The following AXIN1 variants were observed in gnomAD, a reference collection of about 807,000 sequenced individuals.
AXIN1 encodes the protein axin-1.
A neutral mutation model predicts 76.4 loss-of-function variants in AXIN1; 30 were observed. The observed-to-expected ratio is 0.39, with a 90% CI of 0.29 to 0.53. The LOEUF (loss-of-function observed/expected upper bound fraction) is 0.53, where lower values mean the gene tolerates loss of function less well. AXIN1 is among the 20% of genes least tolerant of loss of function. The pLI, the probability that AXIN1 is intolerant of heterozygous loss-of-function variation, is 0.66. For missense variants in AXIN1, 1,140 were observed against 1,198.8 expected (o/e 0.95, Z 0.72); for synonymous variants, 545 against 501.4 (o/e 1.09, Z -1.16).
chr16:299,452 AAG>A, intron 5 of AXIN1, among the ~76,000 whole-genome samples: 1 of 151,568 alleles, frequency 6.6e-6, no homozygotes, highest in African/African-American at 2.4e-5. Flanking sequence ...TCCCGGGCTC[AAG>A]CAATCCTCCT....
chr16:337,000 A>G (rs2053818659), intron 2 of AXIN1, among the ~76,000 whole-genome samples: 1 of 151,286 alleles, frequency 6.6e-6, no homozygotes, highest in South Asian at 2.1e-4. Flanking sequence ...ACACAAAAAA[A>G]TTAGCCGGGC....
chr16:300,364 T>A (rs2052837670), intron 5 of AXIN1, among the ~76,000 whole-genome samples: 1 of 148,004 alleles, frequency 6.8e-6, no homozygotes, highest in Non-Finnish European at 1.5e-5. Flanking sequence ...AATTTTTTCT[T>A]TTTCTTTTTT....
At chr16:331,785 G>A (rs913707740) in intron 2 of AXIN1, among the ~76,000 whole-genome samples, 1 of 152,194 alleles carries the variant, frequency 6.6e-6, no homozygotes, top group Non-Finnish European at 1.5e-5. Context: ...GAATTTCCAA[G>A]CAAAGGTGCA....
chr16:321,230 G>A (rs1237582493), intron 2 of AXIN1, among the ~76,000 whole-genome samples: 1 of 151,434 alleles, frequency 6.6e-6, no homozygotes, highest in Non-Finnish European at 1.5e-5. Context: ...ACCCAGGCAG[G>A]AGCCGCCACC....
rs1171668248 is a variant in AXIN1 at position 332,656 on chromosome 16, T to C, written c.878+13492A>G. The stretch of plus-strand genomic sequence containing the variant: ...AAGATTTTGATCTAAACAATGTTGA[T>C]CTAAACCAAAAAAAAAAAAAAAAAG... On this transcript the variant is annotated intron_variant, in intron 2 of 10. Coordinates refer to ENST00000262320, the MANE Select transcript of AXIN1 (RefSeq NM_003502.4). Among the ~76,000 whole-genome samples the C allele has an allele frequency of 2.4e-5, 3 of 123,048 alleles. 1 individual carries two copies. Among genetic ancestry groups the C allele is most frequent in the African/African-American group, 7.0e-5 (2 of 28,622 alleles). The allele number at this position is 123,048 out of a possible 152,430, so 80.7% of individuals were successfully genotyped here. A position where few individuals can be genotyped will look rare whatever the true frequency, so the allele number is the denominator to read the frequency against.
chr16:303,732 G>A lies in AXIN1; in HGVS notation c.1254+572C>T, dbSNP rs368757735. 8.9e-4 allele frequency among the ~76,000 whole-genome samples: 135 copies of A among 152,136 alleles called. 1 individual carries two copies. Among genetic ancestry groups the A allele is most frequent in the South Asian group, 6.4e-3 (31 of 4,814 alleles). On this transcript the variant is annotated intron_variant, in intron 5 of 10. Transcript: ENST00000262320. Reference sequence around the variant, plus strand: ...ATAAACTCTGTCCTTCTCACCCTTCGAATTGTCTGTGAGCCTAATTTTTCG... The same window carrying A: ...ATAAACTCTGTCCTTCTCACCCTTCAAATTGTCTGTGAGCCTAATTTTTCG...
At position 287,476 on chromosome 16, in the gene AXIN1, AGTACC is replaced by A. The variant is rs1174363382; in HGVS notation, c.*641_*645del. 2.6e-6 allele frequency: 1 copy of A among 387,570 alleles called. No individual in the cohort carries two copies. The highest frequency in any genetic ancestry group is 4.6e-5 in the South Asian group (1 of 21,858). The allele number at this position is 387,570 out of a possible 1,614,324, so 24.0% of individuals were successfully genotyped here. ...AACAGTTTTATTTCATTATTATCCA[AGTACC>A]TTTGAAAAGATAATTAATTGTACAA... On this transcript the variant is annotated 3_prime_UTR_variant, in exon 11 of 11. Transcript: ENST00000262320.
At chr16:310,097 A>G (rs1409202965) in intron 3 of AXIN1, 28 bp from the exon 4 acceptor site, 4 of 1,586,168 alleles carry the variant, frequency 2.5e-6, no homozygotes, top group Admixed American at 1.8e-5. Context: ...GCAGCCGTTA[A>G]CTCAGAGAGG....
At chr16:347,524 A>G (rs1279621257) in intron 1 of AXIN1, among the ~76,000 whole-genome samples, 19 of 152,200 alleles carry the variant, frequency 1.2e-4, no homozygotes, top group Admixed American at 1.2e-3. Context: ...GGACCCTCAC[A>G]AGTAAGATGG....
At chr16:351,132 C>CAAAAA (rs71391129) in intron 1 of AXIN1, among the ~76,000 whole-genome samples, 34 of 111,592 alleles carry the variant, frequency 3.0e-4, no homozygotes, top group African/African-American at 1.0e-3. Flanking sequence ...AACTCTGTCT[C>CAAAAA]AAAAAAAAAA....
At chr16:315,832 GAAAA>G (rs922939817) in intron 2 of AXIN1, among the ~76,000 whole-genome samples, 1 of 72,668 alleles carries the variant, frequency 1.4e-5, no homozygotes, top group African/African-American at 4.9e-5. Context: ...TGTCTCAAAA[GAAAA>G]AAAAAAAAAA....
intron 3 of AXIN1, 73 bp downstream of exon 3, chr16:314,470 A>C: frequency 6.2e-7 from 1 of 1,600,042 alleles, no homozygotes; most frequent in Admixed American, 1.7e-5. Flanking sequence ...GCTGTCCTCA[A>C]GGGACAAGGT....
chr16:324,120 G>C (rs569727634), intron 2 of AXIN1, among the ~76,000 whole-genome samples: 1 of 152,168 alleles, frequency 6.6e-6, no homozygotes, highest in Non-Finnish European at 1.5e-5. Flanking sequence ...TGAAATACCC[G>C]GGACCGTCCG....
intron 2 of AXIN1, among the ~76,000 whole-genome samples, chr16:320,743 A>ATATATATATATATATTTT (rs397722732): frequency 9.3e-6 from 1 of 107,664 alleles, no homozygotes; most frequent in African/African-American, 4.6e-5. Context: ...ATATATATAT[A>ATATATATATATATATTTT]TTTTTTTTTT....
Position 313,768 on chromosome 16 carries a change from G to A in AXIN1, c.1019+775C>T, listed in dbSNP as rs145955006. Among the ~76,000 whole-genome samples the A allele has an allele frequency of 5.5e-4, 84 of 152,382 alleles. No individual in the cohort carries two copies. The Middle Eastern group carries it at 0.01, about 19-fold the overall frequency. On this transcript the variant is annotated intron_variant, in intron 3 of 10. Coordinates refer to ENST00000262320, the MANE Select transcript of AXIN1 (RefSeq NM_003502.4). ...GTTGGCATCATCTAATGGCTGGGGT[G>A]TACATAGGTCCCAAAAAGCCAGCTG...
intron 2 of AXIN1, among the ~76,000 whole-genome samples, chr16:342,434 CA>C (rs1340334836): frequency 6.6e-6 from 1 of 152,220 alleles, no homozygotes; most frequent in African/African-American, 2.4e-5. Flanking sequence ...CATCCCCTAA[CA>C]CGTGAGGCCT....
chr16:324,760 C>A (rs1050112306), intron 2 of AXIN1, among the ~76,000 whole-genome samples: 1 of 152,140 alleles, frequency 6.6e-6, no homozygotes, highest in Non-Finnish European at 1.5e-5. Context: ...GACCTGCATC[C>A]CGACCCCCCG....
intron 2 of AXIN1, among the ~76,000 whole-genome samples, chr16:341,387 A>AT (rs1463963730): frequency 6.6e-6 from 1 of 152,232 alleles, no homozygotes; most frequent in African/African-American, 2.4e-5. Flanking sequence ...GCCGCGGGCA[A>AT]TGAGGGGCTT....
At chr16:306,294 G>T (rs143703855) in intron 4 of AXIN1, among the ~76,000 whole-genome samples, 28 of 152,308 alleles carry the variant, frequency 1.8e-4, no homozygotes, top group Non-Finnish European at 2.9e-5. Context: ...AACTGACCCT[G>T]ATACAATAAC....
Sources: gnomAD v4.1 joint callset for allele counts (sites outside exome capture counted in the v4.1 genomes callset) on GRCh38, gnomAD v4.1.1 for gene constraint, MANE v1.5 for transcripts, NCBI Gene and HGNC (gene_info 2026-07-23, HGNC 2026-07-21) for gene names.